The following NARF variants were observed in gnomAD, a reference collection of about 807,000 sequenced individuals.
The protein encoded by NARF is nuclear prelamin A recognition factor.
In NARF, 41 loss-of-function variants were observed where a neutral mutation model predicts 48.0. The observed-to-expected ratio is 0.85, with a 90% CI of 0.66 to 1.11. The LOEUF (loss-of-function observed/expected upper bound fraction) is 1.11. Ranked by LOEUF, NARF falls within the 50% of genes least tolerant of loss-of-function variation. The probability of loss-of-function intolerance (pLI) is 0.00; values close to 1 mark genes in which losing one functional copy is unlikely to be tolerated. For synonymous variants in NARF, 215 were observed against 225.5 expected (o/e 0.95, Z 0.42); for missense variants, 613 against 590.2 (o/e 1.04, Z -0.40).
Position 82,481,468 on chromosome 17 carries a change from C to T in NARF, c.769+257C>T, listed in dbSNP as rs116823209. On this transcript the variant is annotated intron_variant, in intron 7 of 10. Transcript: ENST00000309794. ...GGTCTCAGCTGGGCACAGTGGCTCA[C>T]GCCTGTAATCTAAGCACTGGGAGGC... is the stretch of plus-strand genomic sequence containing the variant. Among the ~76,000 whole-genome samples, 916 of 152,200 alleles carry T rather than the reference C, an allele frequency of 6.0e-3. 8 individuals carry two copies. Among genetic ancestry groups the T allele is most frequent in the African/African-American group, 0.021 (874 of 41,520 alleles).
At chr17:82,471,502 G>A (rs1335592010) in intron 4 of NARF, among the ~76,000 whole-genome samples, 2 of 144,480 alleles carry the variant, frequency 1.4e-5, no homozygotes, top group Non-Finnish European at 3.0e-5. Flanking sequence ...CATTATAAAA[G>A]TATGCCCTTG....
At chr17:82,467,940 C>T (rs1428662817) in intron 3 of NARF, among the ~76,000 whole-genome samples, 2 of 151,958 alleles carry the variant, frequency 1.3e-5, no homozygotes, top group East Asian at 3.8e-4. Flanking sequence ...TTATTTTTTC[C>T]AGATATTCAC....
chr17:82,485,010 C>T (rs1278707741), intron 9 of NARF, 60 bp downstream of exon 9: 1 of 1,509,462 alleles, frequency 6.6e-7, no homozygotes, highest in Middle Eastern at 2.2e-4. Context: ...CATGGTGTGC[C>T]TGTATGGATC....
In NARF at chr17:82,484,941, G is replaced by A. The variant is rs778877273; in HGVS notation, c.962G>A (p.Arg321Gln). The A allele has an allele frequency of 1.9e-5, 30 of 1,607,078 alleles. No individual in the cohort carries two copies. The highest frequency in any genetic ancestry group is 1.5e-4 in the Admixed American group (9 of 59,016). The stretch of plus-strand genomic sequence containing the variant: ...GAGGATGTGGAGGAGGTCACTTACC[G>A]AGCCCTGAGGTGTGGGGCAGTATCC... ...FNEDVEEVTY[R>Q]ALRNKDFQEV... Residue 321 changes from arginine (R) to glutamine (Q), a missense_variant, in exon 9 of 11, where the codon CGA (arginine) becomes CAA (glutamine). Physicochemically the swap from Arg to Gln is conservative, Grantham distance 43 (BLOSUM62 1). Transcript: ENST00000309794.
chr17:82,459,037 C>T, intron 1 of NARF: 1 of 1,207,110 alleles, frequency 8.3e-7, no homozygotes, highest in Non-Finnish European at 1.0e-6. Context: ...CTTCGCGGTT[C>T]TCCCTGAACT....
intron 5 of NARF, chr17:82,478,505 C>A: frequency 4.1e-6 from 2 of 489,362 alleles, no homozygotes. Flanking sequence ...CCTTTCAGTG[C>A]TTGTTCCCCT....
rs1313280912 is a variant in NARF at position 82,490,486 on chromosome 17, A to G, written c.*2329A>G. On this transcript the variant is annotated 3_prime_UTR_variant, in exon 11 of 11. Coordinates refer to ENST00000309794, the MANE Select transcript of NARF (RefSeq NM_012336.4). ...TGTGTATTTGTTTTGCTTTCAGTCTATATACAGTTGGGTTTCCAACCTCTG... is the reference window on the plus strand; with the variant it reads ...TGTGTATTTGTTTTGCTTTCAGTCTGTATACAGTTGGGTTTCCAACCTCTG... The G allele has an allele frequency of 6.6e-6, 1 of 152,272 alleles. No homozygotes were observed. The highest frequency in any genetic ancestry group is 1.5e-5 in the Non-Finnish European group (1 of 68,058). 9.4% of individuals were successfully genotyped at this position (152,272 alleles called of 1,614,324 possible). A position where few individuals can be genotyped will look rare whatever the true frequency, so the allele number is the denominator to read the frequency against.
chr17:82,460,227 G>T, intron 2 of NARF, 155 bp downstream of exon 2: 1 of 586,220 alleles, frequency 1.7e-6, no homozygotes, highest in Non-Finnish European at 3.0e-6. Context: ...CACTTTGGGA[G>T]GCCGAGGTGG....
At chr17:82,487,387 G>T (rs987819368) in intron 10 of NARF, among the ~76,000 whole-genome samples, 15 of 152,040 alleles carry the variant, frequency 9.9e-5, no homozygotes, top group African/African-American at 3.6e-4. Context: ...GGGAGACTGA[G>T]GTGGGAGAAT....
At position 82,460,044 on chromosome 17, in the gene NARF, C is replaced by T. The variant is rs1246347200; in HGVS notation, c.80C>T (p.Ala27Val). 3 of 1,613,992 alleles carry T rather than the reference C, an allele frequency of 1.9e-6. No homozygotes were observed. Among genetic ancestry groups the T allele is most frequent in the Non-Finnish European group, 2.5e-6 (3 of 1,179,908 alleles). ...TDDQENVSAD[A>V]PSPAQENGEK... ...GACCAAGAGAATGTGTCAGCCGATG[C>T]ACCGAGTCCAGCCCAGGAAAATGGA... The change falls in exon 2 of 11, where the codon GCA becomes GTA. Residue 27 changes from alanine (A) to valine (V), a missense_variant. Ala to Val is a moderately conservative substitution (Grantham distance 64). Transcript: ENST00000309794.
Position 82,487,948 on chromosome 17 carries a change from C to T in NARF, c.1162C>T (p.Pro388Ser). ...AAATGGCAGAGGCCAAGCCCAGACT[C>T]CAGACGGACATGCGGATAAGGCCCT... ...CLNGRGQAQT[P>S]DGHADKALLR... The change falls in exon 11 of 11, where the codon CCA (proline) becomes TCA (serine). Residue 388 changes from proline to serine, a missense_variant. Pro to Ser is a moderately conservative substitution (Grantham distance 74). Coordinates refer to ENST00000309794, the MANE Select transcript of NARF (RefSeq NM_012336.4). 3 of 1,614,224 alleles carry T rather than the reference C, an allele frequency of 1.9e-6. No individual in the cohort carries two copies. Among genetic ancestry groups the T allele is most frequent in the Non-Finnish European group, 2.5e-6 (3 of 1,180,046 alleles).
In NARF at chr17:82,483,698, T is replaced by TA; in HGVS notation, c.770-17dup. The TA allele has an allele frequency of 6.2e-7, 1 of 1,613,628 alleles. No individual in the cohort carries two copies. ...GGCCACCTGTGTCTTTTCAGTGTCT[T>TA]ACTTCGTTTGTCTGCAGGTGAAATT... On this transcript the variant is annotated splice_polypyrimidine_tract_variant and intron_variant, in intron 7 of 10. Transcript: ENST00000309794.
At chr17:82,479,710 A>G (rs1281454700) in intron 6 of NARF, among the ~76,000 whole-genome samples, 2 of 152,348 alleles carry the variant, frequency 1.3e-5, no homozygotes, top group East Asian at 1.9e-4. Context: ...TCTTTCAGAC[A>G]TTTGAAGTCA....
At chr17:82,470,835 T>C (rs913828817) in intron 4 of NARF, among the ~76,000 whole-genome samples, 13 of 152,056 alleles carry the variant, frequency 8.5e-5, no homozygotes, top group Non-Finnish European at 1.8e-4. Context: ...TCAGCTTTGT[T>C]ACCTGGGGAG....
chr17:82,478,338 C>T (rs1293790629), intron 5 of NARF, among the ~76,000 whole-genome samples: 2 of 152,182 alleles, frequency 1.3e-5, no homozygotes, highest in Admixed American at 6.5e-5. Flanking sequence ...TTTTAAAAAG[C>T]GTGCAGTTGT....
chr17:82,485,157 C>T (rs1310668147), intron 9 of NARF, among the ~76,000 whole-genome samples: 1 of 152,176 alleles, frequency 6.6e-6, no homozygotes, highest in African/African-American at 2.4e-5. Context: ...TGCGGTGGCT[C>T]GTGCCTGTAA....
At chr17:82,484,707 TTG>T (rs1392966972) in intron 8 of NARF, 104 bp from the exon 9 acceptor site, 3 of 1,390,038 alleles carry the variant, frequency 2.2e-6, no homozygotes, top group Non-Finnish European at 2.9e-6. Context: ...TTTAGCTTCT[TTG>T]GTGGCGAACT....
At chr17:82,485,032 C>G in intron 9 of NARF, 82 bp downstream of exon 9, 15 of 1,445,920 alleles carry the variant, frequency 1.0e-5, no homozygotes. Flanking sequence ...GTGCATGTGG[C>G]GGTTCTATGG....
chr17:82,484,714 C>A, intron 8 of NARF, 99 bp from the exon 9 acceptor site: 1 of 1,422,770 alleles, frequency 7.0e-7, no homozygotes, highest in Non-Finnish European at 9.4e-7. Context: ...TCTTTGGTGG[C>A]GAACTTGGAT....
Sources: allele counts gnomAD v4.1 joint callset (sites outside exome capture counted in the v4.1 genomes callset), GRCh38; gene constraint gnomAD v4.1.1; transcripts MANE v1.5; gene names NCBI Gene and HGNC (gene_info 2026-07-23, HGNC 2026-07-21).